ASXL2: variants seen among roughly 807,000 people sequenced by gnomAD.
The protein encoded by ASXL2 is ASXL transcriptional regulator 2, also known as putative Polycomb group protein ASXL2.
ASXL2 carries 23 observed loss-of-function variants against 122.0 expected under a neutral mutation model. That is an observed-to-expected ratio of 0.19 (90% confidence interval 0.14 to 0.27). ASXL2 has a LOEUF of 0.27. Ranked by LOEUF, ASXL2 falls within the 10% of genes least tolerant of loss-of-function variation. The probability of loss-of-function intolerance (pLI) is 1.00; values close to 1 mark genes in which losing one functional copy is unlikely to be tolerated. For synonymous variants in ASXL2, 650 were observed against 637.0 expected (o/e 1.02, Z -0.31); for missense variants, 1,518 against 1,713.8 (o/e 0.89, Z 2.02).
chr2:25,784,693 G>A (rs918445367), intron 5 of ASXL2, among the ~76,000 whole-genome samples: 10 of 152,088 alleles, frequency 6.6e-5, no homozygotes, highest in African/African-American at 9.7e-5. Context: ...CTTCAACCTC[G>A]TCTCCATCGT....
intron 1 of ASXL2, among the ~76,000 whole-genome samples, chr2:25,847,785 T>A (rs948883895): frequency 6.6e-6 from 1 of 152,182 alleles, no homozygotes; most frequent in African/African-American, 2.4e-5. Context: ...TCATATGATG[T>A]CTGGGACTTC....
In ASXL2 at chr2:25,741,870, TA is replaced by T. The variant is rs2087833019; in HGVS notation, c.*158del. On this transcript the variant is annotated 3_prime_UTR_variant, in exon 13 of 13. Coordinates refer to ENST00000435504, the MANE Select transcript of ASXL2 (RefSeq NM_018263.6). ...TACAAGGTGCTCTTCCTCTAAAATG[TA>T]AAAAATCTGTACTTTGTATTCCTGA... 4.3e-6 allele frequency: 3 copies of T among 701,038 alleles called. No individual in the cohort carries two copies. Among genetic ancestry groups the T allele is most frequent in the Non-Finnish European group, 4.6e-6 (2 of 434,198 alleles). The allele number at this position is 701,038 out of a possible 1,614,324, so 43.4% of individuals were successfully genotyped here. A position where few individuals can be genotyped will look rare whatever the true frequency, so the allele number is the denominator to read the frequency against.
intron 3 of ASXL2, among the ~76,000 whole-genome samples, chr2:25,823,496 T>C (rs1157181764): frequency 1.3e-5 from 2 of 152,238 alleles, no homozygotes; most frequent in African/African-American, 2.4e-5. Context: ...CTTGTCAGTA[T>C]TCACATGTAT....
chr2:25,809,806 G>A, intron 3 of ASXL2: 1 of 432,232 alleles, frequency 2.3e-6, no homozygotes, highest in Non-Finnish European at 4.5e-6. Flanking sequence ...CACAGGGGAG[G>A]TGGGGGCAGC....
intron 2 of ASXL2, among the ~76,000 whole-genome samples, chr2:25,843,814 T>TAAAAAAAAAAAAAAAAAAAAAAAAAA (rs541446675): frequency 2.3e-5 from 2 of 86,540 alleles, no homozygotes; most frequent in Non-Finnish European, 4.5e-5. Context: ...CTCCATCTCT[T>TAAAAAAAAAAAAAAAAAAAAAAAAAA]AAAAAAAAAA....
chr2:25,813,007 CAAG>C (rs1451330204), intron 3 of ASXL2, among the ~76,000 whole-genome samples: 1 of 151,672 alleles, frequency 6.6e-6, no homozygotes, highest in East Asian at 1.9e-4. Context: ...ATTCCAGTAA[CAAG>C]AAGGAAAAGA....
chr2:25,807,986 TACACACAC>T (rs147273836), intron 3 of ASXL2, among the ~76,000 whole-genome samples: 4 of 131,818 alleles, frequency 3.0e-5, no homozygotes, highest in East Asian at 4.1e-4. Flanking sequence ...AATCAGCTTT[TACACACAC>T]ACACACACAC....
intron 5 of ASXL2, among the ~76,000 whole-genome samples, chr2:25,790,856 T>C (rs2088820784): frequency 7.3e-6 from 1 of 137,876 alleles, no homozygotes; most frequent in African/African-American, 2.7e-5. Flanking sequence ...CAGGCTGGAA[T>C]ACAGTGGCAT....
chr2:25,783,103 T>C (rs1344818102), intron 5 of ASXL2, among the ~76,000 whole-genome samples: 1 of 152,138 alleles, frequency 6.6e-6, no homozygotes, highest in Non-Finnish European at 1.5e-5. Flanking sequence ...CACTCCAGCC[T>C]GGGGGACAGA....
At chr2:25,762,868 A>G (rs1167009735) in intron 8 of ASXL2, among the ~76,000 whole-genome samples, 1 of 152,106 alleles carries the variant, frequency 6.6e-6, no homozygotes, top group African/African-American at 2.4e-5. Flanking sequence ...GAGAGAGATT[A>G]TGTAAAGCAC....
chr2:25,743,996 G>A lies in ASXL2; in HGVS notation c.2341C>T (p.Pro781Ser), dbSNP rs1330883223. The change falls in exon 13 of 13, where the codon CCA (proline) becomes TCA (serine). Residue 781 changes from proline (P) to serine (S), a missense_variant. By Grantham distance (74) the Pro-to-Ser change is moderately conservative. Around this residue, in one of 8 missense-constraint regions of ASXL2, gnomAD observed 831 missense variants for 833.1 expected, o/e 1.00. Transcript: ENST00000435504. ...AQLQQTPPVPPTPAVSGACTS... is the reference protein window; with the variant it reads ...AQLQQTPPVPSTPAVSGACTS... ...CATGCTCCACTGACGGCAGGTGTTG[G>A]AGGCACTGGGGGGGTTTGCTGTAGT... The A allele has an allele frequency of 1.2e-6, 2 of 1,613,890 alleles. No individual in the cohort carries two copies. The highest frequency in any genetic ancestry group is 2.2e-5 in the East Asian group (1 of 44,904).
At chr2:25,828,511 A>AT (rs1460583090) in intron 3 of ASXL2, among the ~76,000 whole-genome samples, 1 of 145,072 alleles carries the variant, frequency 6.9e-6, no homozygotes, top group Non-Finnish European at 1.5e-5. Flanking sequence ...TCCATTTCAA[A>AT]AAAAAAAAAT....
Position 25,742,843 on chromosome 2 carries a change from T to G in ASXL2, c.3494A>C (p.Asp1165Ala). ...ACTCTCTCCTGTTGCATTTTTACAG[T>G]CTGTATATCCCATTTTCAAGGCTTC... ...PTEALKMGYT[D>A]CKNATGESSS... The change falls in exon 13 of 13, where the codon GAC becomes GCC. Residue 1165 changes from aspartate to alanine, a missense_variant. Asp to Ala is a moderately radical substitution (Grantham distance 126). Transcript: ENST00000435504. 6.2e-7 allele frequency: 1 copy of G among 1,613,978 alleles called. No homozygotes were observed. The highest frequency in any genetic ancestry group is 1.1e-5 in the South Asian group (1 of 91,080).
intron 5 of ASXL2, among the ~76,000 whole-genome samples, chr2:25,781,206 T>C (rs1016249283): frequency 6.6e-6 from 1 of 152,126 alleles, no homozygotes. Context: ...TTTTTGGGTA[T>C]TGAGTTGTTT....
At chr2:25,859,374 T>TA (rs1290286623) in intron 1 of ASXL2, among the ~76,000 whole-genome samples, 1 of 152,210 alleles carries the variant, frequency 6.6e-6, no homozygotes, top group East Asian at 1.9e-4. Context: ...TTATAACTTT[T>TA]AAGCAAAAAG....
chr2:25,766,883 A>G (rs2088362849), intron 8 of ASXL2, among the ~76,000 whole-genome samples: 1 of 152,118 alleles, frequency 6.6e-6, no homozygotes, highest in Admixed American at 6.5e-5. Flanking sequence ...GCTTCTTACT[A>G]ACTTTCAAAC....
chr2:25,773,482 G>A (rs113118276), intron 5 of ASXL2, among the ~76,000 whole-genome samples: 9,286 of 151,748 alleles, frequency 0.061, 336 homozygotes, highest in Middle Eastern at 0.18. Context: ...TGGCTAACAC[G>A]GTGAAACCCC....
intron 12 of ASXL2, among the ~76,000 whole-genome samples, chr2:25,748,300 ACCAG>A (rs1187614936): frequency 6.6e-6 from 1 of 152,154 alleles, no homozygotes; most frequent in Non-Finnish European, 1.5e-5. Flanking sequence ...GGAGTTTGGG[ACCAG>A]CCTGGCCAAC....
At chr2:25,843,234 G>A (rs1325535328) in intron 2 of ASXL2, among the ~76,000 whole-genome samples, 23 of 151,430 alleles carry the variant, frequency 1.5e-4, no homozygotes, top group Non-Finnish European at 8.8e-5. Context: ...CCTGGGAGGC[G>A]GAGATTGCAG....
Sources: allele counts gnomAD v4.1 joint callset (sites outside exome capture counted in the v4.1 genomes callset), GRCh38; gene constraint gnomAD v4.1.1; regional missense constraint gnomAD v4.1.1; transcripts MANE v1.5; gene names NCBI Gene and HGNC (gene_info 2026-07-23, HGNC 2026-07-21).